The following LRRC37A2 variants were observed in gnomAD, a reference collection of about 807,000 sequenced individuals.
The protein encoded by LRRC37A2 is leucine rich repeat containing 37 member A2.
Under a neutral mutation model 68.8 loss-of-function variants are expected in LRRC37A2, and 9 were observed. That is an observed-to-expected ratio of 0.13 (90% CI 0.08 to 0.23). The LOEUF (loss-of-function observed/expected upper bound fraction) is 0.23, where lower values mean the gene tolerates loss of function less well. Among genes scored for constraint, LRRC37A2 ranks in the 10% least tolerant of loss-of-function variants. The pLI is 1.00. For missense variants in LRRC37A2, 168 were observed against 950.4 expected (o/e 0.18, Z 10.82); for synonymous variants, 63 against 367.6 (o/e 0.17, Z 9.48).
At chr17:46,779,065 A>T in the LRRC37A2 span, among the ~76,000 whole-genome samples, 1 of 93,908 alleles carries the variant, frequency 1.1e-5, no homozygotes, top group Non-Finnish European at 2.7e-5. Flanking sequence ...ACACACACAC[A>T]CACACACACA....
the LRRC37A2 span, among the ~76,000 whole-genome samples, chr17:46,817,911 A>G: frequency 6.6e-6 from 1 of 152,112 alleles, no homozygotes; most frequent in African/African-American, 2.4e-5. Context: ...CGGATCAGCA[A>G]ATACCATATT....
At chr17:46,928,006 G>A in the LRRC37A2 span, among the ~76,000 whole-genome samples, 1 of 152,100 alleles carries the variant, frequency 6.6e-6, no homozygotes, top group Non-Finnish European at 1.5e-5. Flanking sequence ...CCCTGTACCT[G>A]TTCCCTTGGT....
the LRRC37A2 span, chr17:47,024,841 T>C: frequency 4.8e-6 from 3 of 622,456 alleles, no homozygotes; most frequent in Middle Eastern, 4.4e-4. Flanking sequence ...TCAGATTTCT[T>C]TGAGCAATAA....
At chr17:46,801,035 A>C in the LRRC37A2 span, among the ~76,000 whole-genome samples, 5 of 152,330 alleles carry the variant, frequency 3.3e-5, no homozygotes, top group South Asian at 8.3e-4. Flanking sequence ...TAACTCACTG[A>C]GTACACACCT....
chr17:46,988,477 T>C, the LRRC37A2 span, among the ~76,000 whole-genome samples: 1 of 152,220 alleles, frequency 6.6e-6, no homozygotes, highest in Non-Finnish European at 1.5e-5. Context: ...TTTTATGTTA[T>C]GTGTATTTCA....
At chr17:46,992,816 G>A in the LRRC37A2 span, among the ~76,000 whole-genome samples, 1 of 121,050 alleles carries the variant, frequency 8.3e-6, no homozygotes, top group Non-Finnish European at 1.6e-5. Flanking sequence ...TTGTGCCATT[G>A]CACTCCAGCC....
chr17:46,929,780 T>C, the LRRC37A2 span: 1 of 573,752 alleles, frequency 1.7e-6, no homozygotes, highest in Non-Finnish European at 3.1e-6. Flanking sequence ...CCACAAGTCT[T>C]ATCCCCCATT....
At chr17:46,913,353 C>T in the LRRC37A2 span, among the ~76,000 whole-genome samples, 12 of 152,218 alleles carry the variant, frequency 7.9e-5, no homozygotes, top group African/African-American at 2.4e-4. Context: ...CTTCCACCCT[C>T]GGGCTAGTGA....
At chr17:46,546,972 A>G (rs1187302917) in intron 9 of LRRC37A2, among the ~76,000 whole-genome samples, 31 of 7,152 alleles carry the variant, frequency 4.3e-3, no homozygotes, top group Non-Finnish European at 2.1e-3. Context: ...TGTTCACAGA[A>G]CAAACGCTCA....
chr17:47,001,204 T>C, the LRRC37A2 span, among the ~76,000 whole-genome samples: 1 of 152,044 alleles, frequency 6.6e-6, no homozygotes, highest in African/African-American at 2.4e-5. Flanking sequence ...AACTGAGTAT[T>C]ATGGGGGTAT....
the LRRC37A2 span, among the ~76,000 whole-genome samples, chr17:46,816,119 A>ACACACACACACACGCACGCACG: frequency 6.6e-6 from 1 of 150,552 alleles, no homozygotes; most frequent in Non-Finnish European, 1.5e-5. Context: ...ACGTACACAC[A>ACACACACACACACGCACGCACG]CACACACACA....
chr17:46,859,771 A>G, the LRRC37A2 span, among the ~76,000 whole-genome samples: 4 of 152,194 alleles, frequency 2.6e-5, no homozygotes, highest in Non-Finnish European at 4.4e-5. Context: ...GAATCTATAC[A>G]TCAGTTCATG....
At chr17:46,940,927 AGACCTTGGCCTAACAGTGT>A in the LRRC37A2 span, 2 of 1,306,614 alleles carry the variant, frequency 1.5e-6, no homozygotes, top group Non-Finnish European at 2.0e-6. Flanking sequence ...GGTGAAAAAT[AGACCTTGGCCTAACAGTGT>A]GACTCTCTCC....
chr17:46,823,001 TATATGTATTTATAATAA>T, the LRRC37A2 span, among the ~76,000 whole-genome samples: 36,356 of 86,638 alleles, frequency 0.42, 12,548 homozygotes, highest in South Asian at 0.65. Context: ...TATTTATATA[TATATGTATTTATAATAA>T]ATATGTATTT....
chr17:46,533,899 C>T, intron 6 of LRRC37A2, among the ~76,000 whole-genome samples: 1 of 109,580 alleles, frequency 9.1e-6, no homozygotes, highest in Non-Finnish European at 1.7e-5. Flanking sequence ...TCTAGAATAT[C>T]TTAATTTCTC....
At chr17:46,498,096 T>G in the LRRC37A2 span, among the ~76,000 whole-genome samples, 2 of 140,200 alleles carry the variant, frequency 1.4e-5, no homozygotes, top group Non-Finnish European at 3.0e-5. Flanking sequence ...ACCCAGCTAA[T>G]TTTTGTATTT....
chr17:46,558,836 CTTTTTTTT>C (rs765462293), downstream of LRRC37A2: 3 of 71,838 alleles, frequency 4.2e-5, no homozygotes, highest in Admixed American at 1.5e-4. Flanking sequence ...CTCTTTTATT[CTTTTTTTT>C]TTTTTTTTTT....
the LRRC37A2 span, among the ~76,000 whole-genome samples, chr17:46,822,836 G>A: frequency 6.6e-6 from 1 of 151,816 alleles, no homozygotes; most frequent in Admixed American, 6.6e-5. Flanking sequence ...TCCCTCTTCC[G>A]CTGACATATG....
At chr17:46,974,098 C>G in the LRRC37A2 span, among the ~76,000 whole-genome samples, 1 of 152,368 alleles carries the variant, frequency 6.6e-6, no homozygotes, top group East Asian at 1.9e-4. Flanking sequence ...TAGGGGACAT[C>G]TTGCTGGTGA....
Sources: gnomAD v4.1 joint callset for allele counts (sites outside exome capture counted in the v4.1 genomes callset) on GRCh38, gnomAD v4.1.1 for gene constraint, MANE v1.5 for transcripts, NCBI Gene and HGNC (gene_info 2026-07-23, HGNC 2026-07-21) for gene names.